Variants in CYRIA observed in about 807,000 individuals in gnomAD.
The protein encoded by CYRIA is CYFIP-related Rac1 interactor A.
CYRIA carries 15 observed loss-of-function variants against 43.9 expected under a neutral mutation model. That is an observed-to-expected ratio of 0.34 (90% CI 0.23 to 0.53). CYRIA has a LOEUF of 0.53. Among genes scored for constraint, CYRIA ranks in the 20% least tolerant of loss-of-function variants. The probability of loss-of-function intolerance (pLI) is 0.94; values close to 1 mark genes in which losing one functional copy is unlikely to be tolerated. For synonymous variants in CYRIA, 117 were observed against 136.0 expected (o/e 0.86, Z 0.97); for missense variants, 236 against 394.2 (o/e 0.60, Z 3.40).
intron 1 of CYRIA, among the ~76,000 whole-genome samples, chr2:16,659,070 C>G (rs1670184800): frequency 6.6e-6 from 1 of 152,214 alleles, no homozygotes. Context: ...GGACGTCAGC[C>G]AAACACAGAC....
In CYRIA at chr2:16,581,462, A is replaced by ATGTG. The variant is rs528614034; in HGVS notation, c.70+6584_70+6587dup. On this transcript the variant is annotated intron_variant, in intron 3 of 11. Transcript: ENST00000381323. ...CTGACAATACCAAATGTTGGAGAAG[A>ATGTG]TGTGGAACACTTGGAGTTGCTTAGT... Among the ~76,000 whole-genome samples the ATGTG allele has an allele frequency of 9.2e-5, 14 of 152,296 alleles. No individual in the cohort carries two copies. The South Asian group carries it at 2.7e-3, about 29-fold the overall frequency.
At position 16,565,629 on chromosome 2, in the gene CYRIA, C is replaced by T. The variant is rs62122698; in HGVS notation, c.192+17G>A. 11 of 1,542,874 alleles carry T rather than the reference C, an allele frequency of 7.1e-6. No individual in the cohort carries two copies. Among genetic ancestry groups the T allele is most frequent in the South Asian group, 3.6e-5 (3 of 83,502 alleles). ...CCCTCCTCGGGTGTTGTCAGTTCAG[C>T]GTGATCATTGACATACATCTCGGAT... On this transcript the variant is annotated intron_variant, in intron 4 of 11. Transcript: ENST00000381323.
In CYRIA at chr2:16,551,962, C is replaced by A. The variant is rs1666331019; in HGVS notation, c.*974G>T. Reference sequence around the variant, plus strand: ...GAAATAGAAAACATGGATTTTTTTTCCCTCTAAATTCCCCTAGTTTTCTGG... The same window carrying A: ...GAAATAGAAAACATGGATTTTTTTTACCTCTAAATTCCCCTAGTTTTCTGG... On this transcript the variant is annotated 3_prime_UTR_variant, in exon 12 of 12. Coordinates refer to ENST00000381323, the MANE Select transcript of CYRIA (RefSeq NM_030797.4). The A allele has an allele frequency of 6.6e-6, 1 of 151,822 alleles. No individual in the cohort carries two copies. Among genetic ancestry groups the A allele is most frequent in the Non-Finnish European group, 1.5e-5 (1 of 67,944 alleles). The allele number at this position is 151,822 out of a possible 1,614,324, so 9.4% of individuals were successfully genotyped here.
At chr2:16,571,948 A>G (rs1239946481) in intron 3 of CYRIA, among the ~76,000 whole-genome samples, 2 of 152,220 alleles carry the variant, frequency 1.3e-5, no homozygotes, top group African/African-American at 4.8e-5. Context: ...CTGCCAGCAA[A>G]TATGTGTGAC....
At chr2:16,649,444 A>C (rs1325477707) in intron 1 of CYRIA, among the ~76,000 whole-genome samples, 7 of 151,772 alleles carry the variant, frequency 4.6e-5, no homozygotes, top group African/African-American at 1.7e-4. Context: ...TATGGGGGAC[A>C]GTTGTACAGT....
chr2:16,606,216 A>G (rs1276400718), intron 2 of CYRIA, among the ~76,000 whole-genome samples: 1 of 152,054 alleles, frequency 6.6e-6, no homozygotes, highest in Non-Finnish European at 1.5e-5. Context: ...CCCTCACCCA[A>G]CAAAAAGCAT....
At chr2:16,578,745 A>T (rs1441729253) in intron 3 of CYRIA, among the ~76,000 whole-genome samples, 1 of 152,170 alleles carries the variant, frequency 6.6e-6, no homozygotes, top group Non-Finnish European at 1.5e-5. Flanking sequence ...AAGAATTTAA[A>T]AAATAGAACA....
At chr2:16,664,084 A>G (rs1670329814) in intron 1 of CYRIA, among the ~76,000 whole-genome samples, 1 of 152,182 alleles carries the variant, frequency 6.6e-6, no homozygotes, top group African/African-American at 2.4e-5. Flanking sequence ...ATGAAAGGAA[A>G]TAACACCAGT....
In CYRIA at chr2:16,572,020, T is replaced by C. The variant is rs561868107; in HGVS notation, c.71-6253A>G. Among the ~76,000 whole-genome samples the C allele has an allele frequency of 4.6e-5, 7 of 152,338 alleles. No homozygotes were observed. The East Asian group carries it at 9.6e-4, about 21-fold the overall frequency. ...TCTTACACCAGGGCCCGAAGCCCTT[T>C]TCTATAGAACAATCACATTAGGACT... is the stretch of plus-strand genomic sequence containing the variant. On this transcript the variant is annotated intron_variant, in intron 3 of 11. Coordinates refer to ENST00000381323, the MANE Select transcript of CYRIA (RefSeq NM_030797.4).
intron 2 of CYRIA, among the ~76,000 whole-genome samples, chr2:16,608,035 A>G (rs1195880984): frequency 2.0e-5 from 3 of 152,122 alleles, no homozygotes. Context: ...TGCAGGGGCT[A>G]TCTCTGACTG....
At chr2:16,663,573 C>A (rs948748218) in intron 1 of CYRIA, among the ~76,000 whole-genome samples, 1 of 151,494 alleles carries the variant, frequency 6.6e-6, no homozygotes, top group African/African-American at 2.4e-5. Flanking sequence ...TTGCCCAGGG[C>A]TGGCTTGGGA....
At chr2:16,644,169 G>T (rs748944340) in intron 1 of CYRIA, among the ~76,000 whole-genome samples, 3 of 152,226 alleles carry the variant, frequency 2.0e-5, no homozygotes, top group Non-Finnish European at 4.4e-5. Context: ...CTGCTGTGGA[G>T]TTTAAACGAG....
chr2:16,662,516 C>T (rs1473321384), intron 1 of CYRIA, among the ~76,000 whole-genome samples: 1 of 152,210 alleles, frequency 6.6e-6, no homozygotes, highest in Admixed American at 6.5e-5. Context: ...CTTAAGACCA[C>T]TTTCTTTCTA....
At position 16,592,831 on chromosome 2, in the gene CYRIA, C is replaced by T. The variant is rs537075505; in HGVS notation, c.-10-4702G>A. On this transcript the variant is annotated intron_variant, in intron 2 of 11. Coordinates refer to ENST00000381323, the MANE Select transcript of CYRIA (RefSeq NM_030797.4). ...AAGAAAAAAACAAAAAGCTGTACTT[C>T]TCTAGTTTAACCTGTTTGTATTTTC... 5.3e-5 allele frequency among the ~76,000 whole-genome samples: 8 copies of T among 152,252 alleles called. No homozygotes were observed. In the South Asian group the frequency reaches 1.7e-3, roughly 32 times the overall value.
At chr2:16,660,697 C>T (rs1003973392) in intron 1 of CYRIA, among the ~76,000 whole-genome samples, 1 of 152,214 alleles carries the variant, frequency 6.6e-6, no homozygotes, top group African/African-American at 2.4e-5. Context: ...TGGGGCACTC[C>T]ATTTCCCCAG....
At chr2:16,567,110 T>TA (rs927999127) in intron 3 of CYRIA, among the ~76,000 whole-genome samples, 6 of 151,692 alleles carry the variant, frequency 4.0e-5, no homozygotes, top group African/African-American at 9.7e-5. Context: ...TCTCTGGGGA[T>TA]AAAAAAAAGA....
intron 3 of CYRIA, among the ~76,000 whole-genome samples, chr2:16,577,618 C>A (rs1371691365): frequency 6.6e-6 from 1 of 152,074 alleles, no homozygotes; most frequent in Non-Finnish European, 1.5e-5. Flanking sequence ...ATGCAGGTAA[C>A]AAGAAAATAG....
intron 10 of CYRIA, among the ~76,000 whole-genome samples, chr2:16,558,050 T>C (rs1666590228): frequency 6.6e-6 from 1 of 152,052 alleles, no homozygotes; most frequent in South Asian, 2.1e-4. Flanking sequence ...TAAAGCAGGG[T>C]ACTAATTTGT....
intron 1 of CYRIA, among the ~76,000 whole-genome samples, chr2:16,646,223 A>G (rs1349430779): frequency 1.3e-5 from 2 of 152,238 alleles, no homozygotes; most frequent in African/African-American, 4.8e-5. Flanking sequence ...GGTAGAATCA[A>G]GATGTCTAGA....
Sources: allele counts gnomAD v4.1 joint callset (sites outside exome capture counted in the v4.1 genomes callset), GRCh38; gene constraint gnomAD v4.1.1; transcripts MANE v1.5; gene names NCBI Gene and HGNC (gene_info 2026-07-23, HGNC 2026-07-21).